Variants in CHAT observed in about 807,000 individuals in gnomAD.
The protein encoded by CHAT is acetyl CoA:choline O-acetyltransferase.
CHAT carries 61 observed loss-of-function variants against 76.9 expected under a neutral mutation model. That is an observed-to-expected ratio of 0.79 (90% CI 0.65 to 0.98). The LOEUF is 0.98. CHAT is among the 50% of genes least tolerant of loss of function. CHAT has a pLI of 0.00. For synonymous variants in CHAT, 407 were observed against 397.4 expected (o/e 1.02, Z -0.29); for missense variants, 946 against 986.9 (o/e 0.96, Z 0.56).
At chr10:49,651,557 C>G (rs1411776237) in intron 10 of CHAT, among the ~76,000 whole-genome samples, 1 of 152,224 alleles carries the variant, frequency 6.6e-6, no homozygotes, top group Non-Finnish European at 1.5e-5. Flanking sequence ...ATTACAAAAT[C>G]CCGGGCATGT....
At chr10:49,641,677 T>C (rs1839486031) in intron 7 of CHAT, among the ~76,000 whole-genome samples, 1 of 151,970 alleles carries the variant, frequency 6.6e-6, no homozygotes, top group Admixed American at 6.5e-5. Context: ...GATGCTGAGA[T>C]AGGATTGGGA....
intron 3 of CHAT, 62 bp from the exon 4 acceptor site, chr10:49,620,433 C>A: frequency 2.7e-6 from 3 of 1,098,820 alleles, no homozygotes; most frequent in South Asian, 1.2e-5. Context: ...GATTTTCTCT[C>A]GGGGCTGTCA....
intron 7 of CHAT, among the ~76,000 whole-genome samples, chr10:49,633,928 C>A (rs1799029191): frequency 6.6e-6 from 1 of 152,226 alleles, no homozygotes; most frequent in Admixed American, 6.5e-5. Context: ...AGGCCATGGT[C>A]ATGGTTTACA....
At chr10:49,646,736 C>A in intron 8 of CHAT, 62 bp downstream of exon 8, 1 of 1,568,424 alleles carries the variant, frequency 6.4e-7, no homozygotes. Flanking sequence ...AGTGAGTAGG[C>A]AAGCGGGCAC....
chr10:49,641,932 C>T (rs1172603534), intron 7 of CHAT, among the ~76,000 whole-genome samples: 1 of 152,144 alleles, frequency 6.6e-6, no homozygotes, highest in African/African-American at 2.4e-5. Context: ...ATACCAGGTG[C>T]TATTTTGTCT....
rs1840003635 is a variant in CHAT at position 49,655,378 on chromosome 10, G to T, written c.1777-8G>T. Reference sequence around the variant, plus strand: ...AAACCCCGCGCTGCCTCTGTGTTCTGTTGACAGGCTTCTGAGAAGCTTCTG... The same window carrying T: ...AAACCCCGCGCTGCCTCTGTGTTCTTTTGACAGGCTTCTGAGAAGCTTCTG... On this transcript the variant is annotated splice_region_variant and splice_polypyrimidine_tract_variant and intron_variant, in intron 12 of 14. Coordinates refer to ENST00000337653, the MANE Select transcript of CHAT (RefSeq NM_020549.5). 6.2e-7 allele frequency: 1 copy of T among 1,613,970 alleles called. No homozygotes were observed. Among genetic ancestry groups the T allele is most frequent in the Non-Finnish European group, 8.5e-7 (1 of 1,180,014 alleles).
intron 7 of CHAT, among the ~76,000 whole-genome samples, chr10:49,643,749 G>A (rs951734881): frequency 1.3e-5 from 2 of 152,114 alleles, no homozygotes; most frequent in South Asian, 4.2e-4. Context: ...ACACCTCCAG[G>A]CCCCCTGTCT....
chr10:49,629,235 G>T (rs1476036250), intron 7 of CHAT, among the ~76,000 whole-genome samples: 1 of 152,232 alleles, frequency 6.6e-6, no homozygotes, highest in Non-Finnish European at 1.5e-5. Flanking sequence ...TCTGGGCCCA[G>T]TTACATTTAT....
intron 4 of CHAT, among the ~76,000 whole-genome samples, chr10:49,621,499 C>T (rs1412158721): frequency 2.0e-5 from 3 of 152,198 alleles, no homozygotes; most frequent in Admixed American, 6.5e-5. Flanking sequence ...TCCCGCTGCT[C>T]GTTTCTCCAG....
At chr10:49,649,774 C>A in intron 10 of CHAT, 138 bp downstream of exon 10, 1 of 849,504 alleles carries the variant, frequency 1.2e-6, no homozygotes, top group Non-Finnish European at 2.0e-6. Context: ...CGTCCCCATC[C>A]CTCATGTAGT....
At chr10:49,617,773 G>C (rs1420039830) in intron 2 of CHAT, among the ~76,000 whole-genome samples, 2 of 152,168 alleles carry the variant, frequency 1.3e-5, no homozygotes, top group African/African-American at 4.8e-5. Context: ...AACAAGATCA[G>C]CTGGGTTGGG....
At chr10:49,644,405 C>T (rs1216109170) in intron 7 of CHAT, among the ~76,000 whole-genome samples, 2 of 152,184 alleles carry the variant, frequency 1.3e-5, no homozygotes, top group East Asian at 1.9e-4. Context: ...GGTGACTGCA[C>T]CTCCTTAAGG....
At chr10:49,655,565 C>A in intron 13 of CHAT, 117 bp downstream of exon 13, 1 of 916,438 alleles carries the variant, frequency 1.1e-6, no homozygotes, top group Non-Finnish European at 1.8e-6. Context: ...TACTCGGGGA[C>A]TTGGCAAGGC....
chr10:49,609,151 G>C (rs1564464362), upstream of CHAT: 1 of 152,264 alleles, frequency 6.6e-6, no homozygotes, highest in Non-Finnish European at 1.5e-5. Context: ...AGCTCAGCCT[G>C]TCAGCTGAGC....
Position 49,664,914 on chromosome 10 carries a change from C to G in CHAT, c.2115C>G (p.Ser705Arg), listed in dbSNP as rs1840305580. ...SFHSCKETSS[S>R]KFAKAVEESL... ...ACAGCTGCAAAGAGACTTCTTCTAG[C>G]AAGTTTGCAAAAGCTGTGGAAGAAA... The change falls in exon 15 of 15, where the codon AGC (serine) becomes AGG (arginine). Residue 705 changes from serine (S) to arginine (R), a missense_variant. Ser to Arg is a moderately radical substitution (Grantham distance 110). Coordinates refer to ENST00000337653, the MANE Select transcript of CHAT (RefSeq NM_020549.5). 6.2e-7 allele frequency: 1 copy of G among 1,614,120 alleles called. No homozygotes were observed. The highest frequency in any genetic ancestry group is 1.3e-5 in the African/African-American group (1 of 74,944).
chr10:49,637,857 A>T (rs1222259215), intron 7 of CHAT, among the ~76,000 whole-genome samples: 1 of 152,208 alleles, frequency 6.6e-6, no homozygotes. Flanking sequence ...GTCAGATAAC[A>T]TATTTTGAAT....
At chr10:49,612,356 C>G (rs1838324896), upstream of CHAT, 2 of 1,563,942 alleles carry the variant, frequency 1.3e-6, no homozygotes, top group South Asian at 2.4e-5. Context: ...CACTCCTCCT[C>G]CAGCCCACCC....
At chr10:49,660,532 A>G (rs906403921) in intron 13 of CHAT, among the ~76,000 whole-genome samples, 2 of 152,194 alleles carry the variant, frequency 1.3e-5, no homozygotes, top group African/African-American at 2.4e-5. Context: ...ACCTAAGCAT[A>G]TGTTTGGAGG....
At chr10:49,630,402 A>G (rs1424048325) in intron 7 of CHAT, among the ~76,000 whole-genome samples, 1 of 152,188 alleles carries the variant, frequency 6.6e-6, no homozygotes, top group Non-Finnish European at 1.5e-5. Context: ...AACAGGACAC[A>G]GGGGACCCGG....
Sources: allele counts gnomAD v4.1 joint callset (sites outside exome capture counted in the v4.1 genomes callset), GRCh38; gene constraint gnomAD v4.1.1; transcripts MANE v1.5; gene names NCBI Gene and HGNC (gene_info 2026-07-23, HGNC 2026-07-21).